The following SLC26A4 variants were observed in gnomAD, a reference collection of about 807,000 sequenced individuals.
SLC26A4 encodes pendrin.
SLC26A4 carries 93 observed loss-of-function variants against 90.4 expected under a neutral mutation model. The ratio of observed to expected loss-of-function variants is 1.03; its 90% CI spans 0.87 to 1.22. The LOEUF (loss-of-function observed/expected upper bound fraction) is 1.22. SLC26A4 is among the 50% of genes most tolerant of loss of function. The pLI is 0.00. For synonymous variants in SLC26A4, 393 were observed against 354.6 expected (o/e 1.11, Z -1.22); for missense variants, 1,127 against 946.2 (o/e 1.19, Z -2.51).
chr7:107,683,126 T>C (rs1791291385), intron 6 of SLC26A4, 76 bp from the exon 7 acceptor site: 2 of 1,045,996 alleles, frequency 1.9e-6, no homozygotes, highest in African/African-American at 1.6e-5. Flanking sequence ...TGAGAATTGA[T>C]TGTGTGTGTG....
intron 17 of SLC26A4, among the ~76,000 whole-genome samples, chr7:107,702,841 A>G (rs965613340): frequency 6.6e-6 from 1 of 152,204 alleles, no homozygotes; most frequent in Non-Finnish European, 1.5e-5. Context: ...TCTATTTGTT[A>G]TGTTAACAGC....
intron 6 of SLC26A4, among the ~76,000 whole-genome samples, chr7:107,680,220 T>G (rs1791180696): frequency 7.8e-6 from 1 of 128,512 alleles, no homozygotes. Context: ...AATCTTATAA[T>G]ATAATCTTAA....
At position 107,716,059 on chromosome 7, in the gene SLC26A4, A is replaced by G. The variant is rs1454760265; in HGVS notation, c.*613A>G. 2.6e-5 allele frequency: 4 copies of G among 152,354 alleles called. No homozygotes were observed. Among genetic ancestry groups the G allele is most frequent in the African/African-American group, 9.6e-5 (4 of 41,466 alleles). 9.4% of individuals were successfully genotyped at this position (152,354 alleles called of 1,614,324 possible). A position where few individuals can be genotyped will look rare whatever the true frequency, so the allele number is the denominator to read the frequency against. ...CCTGGAAATGGTTTACCTAAAAGCT[A>G]CAGAACCAGGCCAATATATTTTGAA... On this transcript the variant is annotated 3_prime_UTR_variant, in exon 21 of 21. Coordinates refer to ENST00000644269, the MANE Select transcript of SLC26A4 (RefSeq NM_000441.2).
At chr7:107,694,780 ATCACTATATTCC>A (rs1791692116) in intron 12 of SLC26A4, 64 bp downstream of exon 12, 1 of 1,061,026 alleles carries the variant, frequency 9.4e-7, no homozygotes, top group African/African-American at 1.6e-5. Flanking sequence ...TTCCTGCCAT[ATCACTATATTCC>A]CCCCATCCCC....
At chr7:107,691,711 C>T in intron 10 of SLC26A4, 2 of 545,488 alleles carry the variant, frequency 3.7e-6, no homozygotes, top group South Asian at 1.6e-4. Context: ...GAAGAATTGG[C>T]CTCTTCCAGT....
intron 6 of SLC26A4, among the ~76,000 whole-genome samples, chr7:107,680,416 C>CTTATCTTATTATATAATT (rs1791199516): frequency 4.2e-5 from 4 of 95,382 alleles, no homozygotes; most frequent in African/African-American, 2.1e-4. Flanking sequence ...ATTATATAAT[C>CTTATCTTATTATATAATT]TTATATTATT....
At chr7:107,685,868 GTGTGTA>G in intron 8 of SLC26A4, among the ~76,000 whole-genome samples, 1 of 152,312 alleles carries the variant, frequency 6.6e-6, no homozygotes, top group South Asian at 2.1e-4. Context: ...GTGTGTGTCT[GTGTGTA>G]TGTGTGTGTG....
rs1057516988 is a variant in SLC26A4, at chr7:107,674,163, G to A, written c.416-1G>A. On this transcript the variant is annotated splice_acceptor_variant, in intron 4 of 20. Transcript: ENST00000644269. LOFTEE classifies it high-confidence loss of function. The stretch of plus-strand genomic sequence containing the variant: ...AATTGTTAGAGACTTTTTTTCCCCA[G>A]GACCTTTTCCAGTGGTGAGTTTAAT... 2.5e-6 allele frequency: 4 copies of A among 1,613,880 alleles called. No homozygotes were observed. Among genetic ancestry groups the A allele is most frequent in the East Asian group, 2.2e-5 (1 of 44,886 alleles).
Position 107,702,684 on chromosome 7 carries a change from C to CAAAA in SLC26A4, c.2034+642_2034+645dup, listed in dbSNP as rs11462799. Among the ~76,000 whole-genome samples, 418 of 99,188 alleles carry CAAAA rather than the reference C, an allele frequency of 4.2e-3. 5 individuals carry two copies. The highest frequency in any genetic ancestry group is 0.015 in the African/African-American group (396 of 26,050). 65.1% of individuals were successfully genotyped at this position (99,188 alleles called of 152,430 possible). On this transcript the variant is annotated intron_variant, in intron 17 of 20. Transcript: ENST00000644269. ...TGGGTGACAGAGTGAGACTTCATCT[C>CAAAA]AAAAAAAAAAAAAAAAAAGAATATC... is the stretch of plus-strand genomic sequence containing the variant.
intron 3 of SLC26A4, among the ~76,000 whole-genome samples, chr7:107,666,987 C>A (rs977065939): frequency 1.3e-5 from 2 of 152,176 alleles, no homozygotes; most frequent in African/African-American, 2.4e-5. Context: ...ATCACTGACA[C>A]ATAATGATGA....
chr7:107,707,855 G>A (rs1048637145), intron 18 of SLC26A4, among the ~76,000 whole-genome samples: 3 of 152,054 alleles, frequency 2.0e-5, no homozygotes, highest in Non-Finnish European at 2.9e-5. Context: ...GTTAGTTCAA[G>A]GTCAAAAAGA....
At chr7:107,669,254 G>C (rs1052375610) in intron 3 of SLC26A4, among the ~76,000 whole-genome samples, 25 of 152,140 alleles carry the variant, frequency 1.6e-4, no homozygotes, top group African/African-American at 6.0e-4. Flanking sequence ...ATCACACCTA[G>C]CCCCAGATTT....
chr7:107,682,840 A>G (rs1791283324), intron 6 of SLC26A4, among the ~76,000 whole-genome samples: 1 of 152,188 alleles, frequency 6.6e-6, no homozygotes, highest in Non-Finnish European at 1.5e-5. Flanking sequence ...GCATTTCTGT[A>G]AGTAAAAGTT....
At chr7:107,666,731 T>TG (rs2129310037) in intron 3 of SLC26A4, among the ~76,000 whole-genome samples, 1 of 152,074 alleles carries the variant, frequency 6.6e-6, no homozygotes, top group South Asian at 2.1e-4. Context: ...ATGAGTGCAG[T>TG]GGGGGAGGGT....
intron 3 of SLC26A4, among the ~76,000 whole-genome samples, chr7:107,670,703 T>C (rs1406944769): frequency 2.6e-5 from 4 of 152,184 alleles, no homozygotes; most frequent in African/African-American, 7.2e-5. Flanking sequence ...TTGCCATTTT[T>C]AATAAACTAC....
intron 6 of SLC26A4, among the ~76,000 whole-genome samples, chr7:107,681,780 C>T (rs116076650): frequency 6.4e-4 from 97 of 152,146 alleles, no homozygotes; most frequent in African/African-American, 2.2e-3. Context: ...ATTGATTCAT[C>T]TGTCTACTTA....
Position 107,715,487 on chromosome 7 carries a change from C to T in SLC26A4, c.*41C>T, listed in dbSNP as rs754061255. Reference sequence around the variant, plus strand: ...GTCTCTATGAGCAAGGAATACAAGACAAAACTTCCTCAATGCATTGACTAT... The same window carrying T: ...GTCTCTATGAGCAAGGAATACAAGATAAAACTTCCTCAATGCATTGACTAT... On this transcript the variant is annotated 3_prime_UTR_variant, in exon 21 of 21. Coordinates refer to ENST00000644269, the MANE Select transcript of SLC26A4 (RefSeq NM_000441.2). 8 of 1,502,902 alleles carry T rather than the reference C, an allele frequency of 5.3e-6. No individual in the cohort carries two copies. The highest frequency in any genetic ancestry group is 9.3e-7 in the Non-Finnish European group (1 of 1,078,504). The allele number at this position is 1,502,902 out of a possible 1,614,324, so 93.1% of individuals were successfully genotyped here.
intron 3 of SLC26A4, among the ~76,000 whole-genome samples, chr7:107,667,974 T>C (rs1241866929): frequency 6.6e-6 from 1 of 151,804 alleles, no homozygotes; most frequent in African/African-American, 2.4e-5. Context: ...CAGATTGAGG[T>C]AAGTAGGGGA....
chr7:107,663,519 G>A (rs1415195145), intron 3 of SLC26A4, 84 bp downstream of exon 3: 4 of 1,481,620 alleles, frequency 2.7e-6, no homozygotes, highest in Admixed American at 1.7e-5. Context: ...GTGACAGATG[G>A]TTGCTTACCC....
Sources: allele counts gnomAD v4.1 joint callset (sites outside exome capture counted in the v4.1 genomes callset), GRCh38; gene constraint gnomAD v4.1.1; transcripts MANE v1.5; gene names NCBI Gene and HGNC (gene_info 2026-07-23, HGNC 2026-07-21).